Variants in CIZ1 observed in about 807,000 individuals in gnomAD.
CIZ1 encodes the protein CDKN1A interacting zinc finger protein 1.
CIZ1 carries 58 observed loss-of-function variants against 118.6 expected under a neutral mutation model. The ratio of observed to expected loss-of-function variants is 0.49; its 90% confidence interval spans 0.40 to 0.61. The LOEUF (loss-of-function observed/expected upper bound fraction) is 0.61, where lower values mean the gene tolerates loss of function less well. Ranked by LOEUF, CIZ1 falls within the 20% of genes least tolerant of loss-of-function variation. The pLI, the probability that CIZ1 is intolerant of heterozygous loss-of-function variation, is 0.00. For missense variants in CIZ1, 921 were observed against 1,115.9 expected (o/e 0.83, Z 2.49); for synonymous variants, 448 against 443.4 (o/e 1.01, Z -0.13).
intron 13 of CIZ1, 55 bp from the exon 14 acceptor site, chr9:128,169,256 T>TGGCCAA: frequency 6.4e-7 from 1 of 1,554,452 alleles, no homozygotes; most frequent in Non-Finnish European, 8.9e-7. Flanking sequence ...CAGGGGGCCA[T>TGGCCAA]GCCCTACCCA....
intron 11 of CIZ1, among the ~76,000 whole-genome samples, chr9:128,170,617 T>C (rs1434710474): frequency 6.6e-6 from 1 of 152,032 alleles, no homozygotes; most frequent in South Asian, 2.1e-4. Flanking sequence ...ATAGCGCCAC[T>C]GCACTCCAAC....
chr9:128,178,572 C>T (rs2130954304), intron 8 of CIZ1, 82 bp from the exon 9 acceptor site: 2 of 1,603,352 alleles, frequency 1.2e-6, no homozygotes, highest in South Asian at 2.2e-5. Context: ...AACCTTGAGG[C>T]CCCCAGCATG....
In CIZ1 at chr9:128,177,600, C is replaced by A; in HGVS notation, c.1784G>T (p.Cys595Phe). The A allele has an allele frequency of 6.7e-7, 1 of 1,493,936 alleles. No individual in the cohort carries two copies. Among genetic ancestry groups the A allele is most frequent in the Non-Finnish European group, 9.0e-7 (1 of 1,110,924 alleles). 92.5% of individuals were successfully genotyped at this position (1,493,936 alleles called of 1,614,324 possible). A position where few individuals can be genotyped will look rare whatever the true frequency, so the allele number is the denominator to read the frequency against. The change falls in exon 10 of 17, where the codon TGC (cysteine) becomes TTC (phenylalanine). Residue 595 changes from cysteine to phenylalanine, a missense_variant. By Grantham distance (205) the Cys-to-Phe change is radical. Transcript: ENST00000372938. ...GGAGCAGCTGGCCTTGCAGATGTAGCAGAAGAACTGGAGGGCCTGCTTAGA... is the reference window on the plus strand; with the variant it reads ...GGAGCAGCTGGCCTTGCAGATGTAGAAGAAGAACTGGAGGGCCTGCTTAGA... ...TPSKQALQFF[C>F]YICKASCSSQ...
chr9:128,196,275 T>A (rs1368249457), upstream of CIZ1, among the ~76,000 whole-genome samples: 1 of 152,136 alleles, frequency 6.6e-6, no homozygotes, highest in African/African-American at 2.4e-5. Flanking sequence ...GGGCCAGGTG[T>A]TGTGACTCAC....
Position 128,191,554 on chromosome 9 carries a change from G to C in CIZ1, c.-128C>G, listed in dbSNP as rs931834442. 11 of 1,071,296 alleles carry C rather than the reference G, an allele frequency of 1.0e-5. No individual in the cohort carries two copies. The South Asian group carries it at 2.7e-4, about 26-fold the overall frequency. 66.4% of individuals were successfully genotyped at this position (1,071,296 alleles called of 1,614,324 possible). The stretch of plus-strand genomic sequence containing the variant: ...TCCCGGCCTCCCCGCTGCTACTCCG[G>C]GGCCTGTGGGCTCGTAAGGCCCAAA... On this transcript the variant is annotated 5_prime_UTR_variant, in exon 1 of 17. Coordinates refer to ENST00000372938, the MANE Select transcript of CIZ1 (RefSeq NM_001131016.2). This position sits in a 1 kb window ranked among gnomAD's most constrained non-coding sequence, Gnocchi z 5.5.
upstream of CIZ1, among the ~76,000 whole-genome samples, chr9:128,194,250 T>C (rs571984102): frequency 1.1e-4 from 16 of 149,566 alleles, no homozygotes; most frequent in African/African-American, 4.0e-4. Context: ...TCATCCCAGC[T>C]ACTCGGGAGG....
Position 128,190,871 on chromosome 9 carries a change from A to T in CIZ1, c.-5-9T>A, listed in dbSNP as rs1222898376. The T allele has an allele frequency of 6.5e-7, 1 of 1,533,284 alleles. No individual in the cohort carries two copies. The highest frequency in any genetic ancestry group is 1.2e-5 in the South Asian group (1 of 81,300). The allele number at this position is 1,533,284 out of a possible 1,614,324, so 95.0% of individuals were successfully genotyped here. ...CTGGCTGAACATGGTGGCTAGGGGC[A>T]GAAAGCAGAGTGAGGCAAGGGGTCC... On this transcript the variant is annotated splice_polypyrimidine_tract_variant and intron_variant, in intron 1 of 16. Transcript: ENST00000372938.
rs575427347 is a variant in CIZ1 at position 128,203,789 on chromosome 9, C to A, written c.-6+397G>T. Among the ~76,000 whole-genome samples, 22 of 149,912 alleles carry A rather than the reference C, an allele frequency of 1.5e-4. No individual in the cohort carries two copies. In the South Asian group the frequency reaches 3.6e-3, roughly 25 times the overall value. ...AGCCGGAGCGAGGAGGCCCTCCCCC[C>A]ACCACGAGAGCCCCTCGGGGCAGCA... is the stretch of plus-strand genomic sequence containing the variant. On this transcript the variant is annotated intron_variant, in intron 1 of 17. Coordinates refer to the CIZ1 transcript ENST00000372948. The surrounding 1 kb of genome is among the most constrained non-coding windows in gnomAD (Gnocchi z 5.3).
upstream of CIZ1, among the ~76,000 whole-genome samples, chr9:128,194,852 C>T (rs951280288): frequency 2.0e-5 from 3 of 152,146 alleles, no homozygotes; most frequent in African/African-American, 7.2e-5. Flanking sequence ...GGGTCTTGCT[C>T]TGTCTCCCAG....
chr9:128,203,696 G>T lies in CIZ1; in HGVS notation c.-6+490C>A. ...CGGGATCCCTGGAGTCCCCGCCCGG[G>T]GCACTGACGGCGCGGCGACCTCGCA... On this transcript the variant is annotated intron_variant, in intron 1 of 17. Coordinates refer to the CIZ1 transcript ENST00000372948. This position sits in a 1 kb window ranked among gnomAD's most constrained non-coding sequence, Gnocchi z 5.3. The T allele has an allele frequency of 7.4e-7, 1 of 1,359,874 alleles. No homozygotes were observed. Among genetic ancestry groups the T allele is most frequent in the Non-Finnish European group, 9.5e-7 (1 of 1,057,586 alleles). 84.2% of individuals were successfully genotyped at this position (1,359,874 alleles called of 1,614,324 possible).
In CIZ1 at chr9:128,167,138, CTCTCTGGATATA is replaced by C. The variant is rs781644311; in HGVS notation, c.2310_2321del (p.Asp770_Arg773del). On this transcript the variant is annotated inframe_deletion, in exon 15 of 17. Transcript: ENST00000372938. ...TGTAGGTCTCCGAGCCCTTCCACTC[CTCTCTGGATATA>C]TCTCTGGACCTCACCTGAAAACATG... 5 of 1,601,470 alleles carry C rather than the reference CTCTCTGGATATA, an allele frequency of 3.1e-6. No individual in the cohort carries two copies. The East Asian group carries it at 1.1e-4, about 36-fold the overall frequency.
upstream of CIZ1, chr9:128,191,975 CA>C: frequency 7.5e-7 from 1 of 1,329,086 alleles, no homozygotes; most frequent in Admixed American, 3.1e-5. This position sits in a 1 kb window ranked among gnomAD's most constrained non-coding sequence, Gnocchi z 5.5. Flanking sequence ...AGAGGGCGGC[CA>C]AGGTCTTACA....
At chr9:128,169,795 C>A in intron 12 of CIZ1, 1 of 1,330,656 alleles carries the variant, frequency 7.5e-7, no homozygotes, top group African/African-American at 1.5e-5. Flanking sequence ...CCCTGTGAGC[C>A]CCGTGGCTGA....
chr9:128,191,085 T>A lies in CIZ1; in HGVS notation c.-5-223A>T. On this transcript the variant is annotated intron_variant, in intron 1 of 16. Transcript: ENST00000372938. This position sits in a 1 kb window ranked among gnomAD's most constrained non-coding sequence, Gnocchi z 5.5. Reference sequence around the variant, plus strand: ...CAAGATTCAACCACCCTCCTGCCAATGCCCCCCAGACACTGCCAACAGCCC... The same window carrying A: ...CAAGATTCAACCACCCTCCTGCCAAAGCCCCCCAGACACTGCCAACAGCCC... Among the ~76,000 whole-genome samples the A allele has an allele frequency of 6.6e-6, 1 of 152,048 alleles. No individual in the cohort carries two copies. The highest frequency in any genetic ancestry group is 1.9e-4 in the East Asian group (1 of 5,182).
At chr9:128,182,301 C>T (rs1831765826) in intron 5 of CIZ1, among the ~76,000 whole-genome samples, 1 of 152,160 alleles carries the variant, frequency 6.6e-6, no homozygotes, top group African/African-American at 2.4e-5. Context: ...TCTACACTCT[C>T]TCGTCGCCGC....
chr9:128,169,536 CAACCA>C lies in CIZ1; in HGVS notation c.2032-22_2032-18del, dbSNP rs1289549664. ...TTTGGCAATCTGGAAAAAGGCAGGC[CAACCA>C]AGCAGTGTCCCCAGCTGCAAGCCCC... is the stretch of plus-strand genomic sequence containing the variant. On this transcript the variant is annotated intron_variant, in intron 12 of 16. Coordinates refer to ENST00000372938, the MANE Select transcript of CIZ1 (RefSeq NM_001131016.2). 1 of 1,613,166 alleles carries C rather than the reference CAACCA, an allele frequency of 6.2e-7. No homozygotes were observed. The highest frequency in any genetic ancestry group is 8.5e-7 in the Non-Finnish European group (1 of 1,179,286).
Position 128,203,326 on chromosome 9 carries a change from C to T in CIZ1, c.-6+860G>A. 1 of 693,940 alleles carries T rather than the reference C, an allele frequency of 1.4e-6. No individual in the cohort carries two copies. Among genetic ancestry groups the T allele is most frequent in the Non-Finnish European group, 1.9e-6 (1 of 524,810 alleles). The allele number at this position is 693,940 out of a possible 1,614,324, so 43.0% of individuals were successfully genotyped here. On this transcript the variant is annotated intron_variant, in intron 1 of 17. Coordinates refer to the CIZ1 transcript ENST00000372948. The surrounding 1 kb of genome is among the most constrained non-coding windows in gnomAD (Gnocchi z 5.3). ...GCCGCGGGCTCCCCCTAGCGGCGTC[C>T]GGGAGCGGTGCTCGCTCCGATCCCC... is the stretch of plus-strand genomic sequence containing the variant.
intron 5 of CIZ1, among the ~76,000 whole-genome samples, chr9:128,181,216 A>G (rs1196493352): frequency 6.6e-6 from 1 of 152,086 alleles, no homozygotes; most frequent in East Asian, 1.9e-4. Flanking sequence ...CCTGGGTTCA[A>G]GCAATTCTCC....
At chr9:128,189,592 G>C (rs1438349662) in intron 3 of CIZ1, among the ~76,000 whole-genome samples, 2 of 152,052 alleles carry the variant, frequency 1.3e-5, no homozygotes, top group Non-Finnish European at 2.9e-5. Context: ...GGCCAAGGCG[G>C]GTGGATCACC....
Sources: gnomAD v4.1 joint callset for allele counts (sites outside exome capture counted in the v4.1 genomes callset) on GRCh38, gnomAD v4.1.1 for gene constraint, Gnocchi (gnomAD v3.1) non-coding constraint, MANE v1.5 for transcripts, NCBI Gene and HGNC (gene_info 2026-07-23, HGNC 2026-07-21) for gene names.